Variants in PHRF1 observed in about 807,000 individuals in gnomAD.
PHRF1 encodes the protein PHD and ring finger domains 1.
In PHRF1, 53 loss-of-function variants were observed where a neutral mutation model predicts 128.9. That is an observed-to-expected ratio of 0.41 (90% CI 0.33 to 0.52). PHRF1 has a LOEUF of 0.52. Ranked by LOEUF, PHRF1 falls within the 20% of genes least tolerant of loss-of-function variation. The pLI, the probability that PHRF1 is intolerant of heterozygous loss-of-function variation, is 0.21. For missense variants in PHRF1, 2,503 were observed against 2,284.5 expected, an observed-to-expected ratio of 1.10 and a Z score of -1.95; for synonymous variants, 1,178 against 980.6, an observed-to-expected ratio of 1.20 and a Z score of -3.76.
chr11:588,156 C>T (rs1214707202), intron 4 of PHRF1, among the ~76,000 whole-genome samples: 2 of 152,132 alleles, frequency 1.3e-5, no homozygotes, highest in Non-Finnish European at 2.9e-5. Context: ...TCTTCAGGAC[C>T]GTGACCTCAC....
Position 587,289 on chromosome 11 carries a change from C to A in PHRF1, c.245C>A (p.Thr82Lys), listed in dbSNP as rs756592688. ...GSEDSEDDGE[T>K]LLEVAGTQGK... is the part of the protein sequence containing the mutation. ...GAGGATTCTGAAGACGACGGGGAGA[C>A]ATTGCTGGAGGTAGCGGGTACTCAG... The change falls in exon 4 of 18, where the codon ACA becomes AAA. Residue 82 changes from threonine to lysine, a missense_variant. Physicochemically the swap from Thr to Lys is moderately conservative, Grantham distance 78. Coordinates refer to ENST00000264555, the MANE Select transcript of PHRF1 (RefSeq NM_001286581.2). The A allele has an allele frequency of 1.9e-6, 3 of 1,613,454 alleles. No homozygotes were observed. Among genetic ancestry groups the A allele is most frequent in the Non-Finnish European group, 2.5e-6 (3 of 1,179,890 alleles).
At chr11:593,474 T>C (rs1374106853) in intron 6 of PHRF1, among the ~76,000 whole-genome samples, 2 of 152,256 alleles carry the variant, frequency 1.3e-5, no homozygotes, top group Admixed American at 1.3e-4. Flanking sequence ...TGAAGGCCTT[T>C]GCTCTGTGGC....
At chr11:584,726 G>C (rs1854419044) in intron 3 of PHRF1, among the ~76,000 whole-genome samples, 1 of 147,632 alleles carries the variant, frequency 6.8e-6, no homozygotes, top group African/African-American at 2.5e-5. Flanking sequence ...ATTTCTCCAG[G>C]ACCTTTTTTT....
Position 601,712 on chromosome 11 carries a change from G to C in PHRF1, c.1152+11G>C. The stretch of plus-strand genomic sequence containing the variant: ...GGGAAGAAGGTAAAGGTGAGCATTG[G>C]GTGGCAGGGCCTGAGTCTCCTGCTG... On this transcript the variant is annotated intron_variant, in intron 10 of 17. Coordinates refer to ENST00000264555, the MANE Select transcript of PHRF1 (RefSeq NM_001286581.2). The C allele has an allele frequency of 1.2e-6, 2 of 1,613,576 alleles. No homozygotes were observed. Among genetic ancestry groups the C allele is most frequent in the East Asian group, 2.2e-5 (1 of 44,872 alleles).
intron 1 of PHRF1, among the ~76,000 whole-genome samples, chr11:580,629 G>A (rs918277438): frequency 1.3e-5 from 2 of 152,222 alleles, no homozygotes; most frequent in African/African-American, 2.4e-5. Flanking sequence ...GATAAAGCCC[G>A]GCTCTGCCTC....
chr11:604,094 A>C (rs1224037904), intron 10 of PHRF1, among the ~76,000 whole-genome samples: 1 of 152,206 alleles, frequency 6.6e-6, no homozygotes, highest in Non-Finnish European at 1.5e-5. Context: ...AGCCATGACC[A>C]GGTGTTGGAT....
chr11:610,797 C>A, intron 16 of PHRF1, 36 bp downstream of exon 16: 1 of 1,591,502 alleles, frequency 6.3e-7, no homozygotes, highest in Non-Finnish European at 8.5e-7. Context: ...CCCATGTTCC[C>A]ATCTTACTTT....
At chr11:609,741 C>G in intron 14 of PHRF1, 21 bp downstream of exon 14, 1 of 1,426,172 alleles carries the variant, frequency 7.0e-7, no homozygotes, top group East Asian at 2.5e-5. Flanking sequence ...CCCCGGCCCC[C>G]ACCGAGGACA....
chr11:606,225 G>A (rs1244315763), intron 12 of PHRF1, among the ~76,000 whole-genome samples: 7 of 152,136 alleles, frequency 4.6e-5, no homozygotes, highest in Non-Finnish European at 1.0e-4. Flanking sequence ...GTTTCCCTGG[G>A]GCCAGAGCTG....
At chr11:601,547 G>A (rs774173706) in intron 9 of PHRF1, 27 bp from the exon 10 acceptor site, 1 of 1,613,254 alleles carries the variant, frequency 6.2e-7, no homozygotes, top group Non-Finnish European at 8.5e-7. Context: ...GCACAGAGAA[G>A]CACAGACTTC....
In PHRF1 at chr11:610,564, G is replaced by C. The variant is rs1257981730; in HGVS notation, c.4480G>C (p.Val1494Leu). Reference protein sequence around the residue: ...QPSSIPPCALVSQPTVQFILQ... With the variant: ...QPSSIPPCALLSQPTVQFILQ... Reference sequence around the variant, plus strand: ...CTCAAGCATCCCACCCTGCGCACTGGTCAGCCAGCCCACGGTCCAGTTCAT... The same window carrying C: ...CTCAAGCATCCCACCCTGCGCACTGCTCAGCCAGCCCACGGTCCAGTTCAT... The change falls in exon 16 of 18, where the codon GTC (valine) becomes CTC (leucine). Residue 1494 changes from valine (V) to leucine (L), a missense_variant. Transcript: ENST00000264555. 6.2e-7 allele frequency: 1 copy of C among 1,606,130 alleles called. No individual in the cohort carries two copies. Among genetic ancestry groups the C allele is most frequent in the Non-Finnish European group, 8.5e-7 (1 of 1,179,722 alleles).
chr11:587,921 G>A (rs907502164), intron 4 of PHRF1, among the ~76,000 whole-genome samples: 3 of 152,206 alleles, frequency 2.0e-5, no homozygotes, highest in African/African-American at 4.8e-5. Flanking sequence ...AGAGTTTACC[G>A]TAAACGTGCA....
chr11:593,534 T>C (rs900201618), intron 6 of PHRF1, among the ~76,000 whole-genome samples: 6 of 152,278 alleles, frequency 3.9e-5, no homozygotes, highest in Admixed American at 3.9e-4. Context: ...CACAGCCGCT[T>C]GTGCCCCCAC....
chr11:579,322 A>C lies in PHRF1; in HGVS notation c.-21-2170A>C, dbSNP rs192249722. Among the ~76,000 whole-genome samples, 380 of 151,406 alleles carry C rather than the reference A, an allele frequency of 2.5e-3. 1 individual carries two copies. Among genetic ancestry groups the C allele is most frequent in the Admixed American group, 4.6e-3 (70 of 15,232 alleles). On this transcript the variant is annotated intron_variant, in intron 1 of 17. Coordinates refer to ENST00000264555, the MANE Select transcript of PHRF1 (RefSeq NM_001286581.2). ...AAGTGTTCCTTGGTAGATTCATGTG[A>C]GAGAGTCTGCCTCCCTCTTTCAGAT...
In PHRF1 at chr11:607,150, C is replaced by G; in HGVS notation, c.1694C>G (p.Pro565Arg). ...GGCTGCCTGCAGCCCCGAGCACTGC[C>G]CTCCGGGAGCCCGGCCCAAGGCCCG... ...FKGCLQPRAL[P>R]SGSPAQGPSG... The change falls in exon 14 of 18, where the codon CCC (proline) becomes CGC (arginine). Residue 565 changes from proline to arginine, a missense_variant. Pro to Arg is a moderately radical substitution (Grantham distance 103, BLOSUM62 -2). Transcript: ENST00000264555. 6.2e-7 allele frequency: 1 copy of G among 1,612,972 alleles called. No individual in the cohort carries two copies. The highest frequency in any genetic ancestry group is 8.5e-7 in the Non-Finnish European group (1 of 1,179,784).
At chr11:603,729 G>GTTTTTTTTTTTT (rs71022937) in intron 10 of PHRF1, among the ~76,000 whole-genome samples, 1 of 78,226 alleles carries the variant, frequency 1.3e-5, no homozygotes, top group Non-Finnish European at 2.3e-5. Flanking sequence ...ATTTAAGTTT[G>GTTTTTTTTTTTT]TTTTTTTTTT....
At position 610,712 on chromosome 11, in the gene PHRF1, A is replaced by T; in HGVS notation, c.4628A>T (p.Glu1543Val). 1 of 1,602,908 alleles carries T rather than the reference A, an allele frequency of 6.2e-7. No individual in the cohort carries two copies. Among genetic ancestry groups the T allele is most frequent in the Non-Finnish European group, 8.5e-7 (1 of 1,179,770 alleles). ...SQATAASNSE[E>V]KTPAPRLAAE... ...GCCACTGCAGCCAGCAACTCGGAGG[A>T]GAAGACCCCGGCCCCCAGGCTAGCT... Residue 1543 changes from glutamate (E) to valine (V), a missense_variant, in exon 16 of 18, where the codon GAG (glutamate) becomes GTG (valine). Physicochemically the swap from Glu to Val is moderately radical, Grantham distance 121. Transcript: ENST00000264555.
rs1381399740 is a variant in PHRF1, at chr11:587,301, T to TACTC, written c.258_259insCTCA (p.Ala87LeufsTer17). 1 of 1,613,602 alleles carries TACTC rather than the reference T, an allele frequency of 6.2e-7. No homozygotes were observed. Among genetic ancestry groups the TACTC allele is most frequent in the Non-Finnish European group, 8.5e-7 (1 of 1,179,884 alleles). On this transcript the variant is annotated frameshift_variant, in exon 4 of 18. Coordinates refer to ENST00000264555, the MANE Select transcript of PHRF1 (RefSeq NM_001286581.2). LOFTEE classifies it high-confidence loss of function. ...GACGACGGGGAGACATTGCTGGAGG[T>TACTC]AGCGGGTACTCAGGGGAAACTGGAA...
chr11:611,842 G>A lies in PHRF1; in HGVS notation c.*65G>A, dbSNP rs1036585873. ...AGTGGCGGGAATCGGGGCCATGCCCGGGGAGCTGTCGGGAGTGGCGGGAAT... is the reference window on the plus strand; with the variant it reads ...AGTGGCGGGAATCGGGGCCATGCCCAGGGAGCTGTCGGGAGTGGCGGGAAT... On this transcript the variant is annotated 3_prime_UTR_variant, in exon 18 of 18. Coordinates refer to ENST00000264555, the MANE Select transcript of PHRF1 (RefSeq NM_001286581.2). 1.7e-5 allele frequency: 26 copies of A among 1,528,464 alleles called. No individual in the cohort carries two copies. Among genetic ancestry groups the A allele is most frequent in the African/African-American group, 8.3e-5 (6 of 72,346 alleles). 94.7% of individuals were successfully genotyped at this position (1,528,464 alleles called of 1,614,324 possible). A position where few individuals can be genotyped will look rare whatever the true frequency, so the allele number is the denominator to read the frequency against.
Sources: allele counts gnomAD v4.1 joint callset (sites outside exome capture counted in the v4.1 genomes callset), GRCh38; gene constraint gnomAD v4.1.1; transcripts MANE v1.5; gene names NCBI Gene and HGNC (gene_info 2026-07-23, HGNC 2026-07-21).